Variants in TRAM2 observed in about 807,000 individuals in gnomAD.
TRAM2 encodes translocation associated membrane protein 2, also known as translocating chain-associated membrane protein 2.
TRAM2 carries 12 observed loss-of-function variants against 51.0 expected under a neutral mutation model. The observed-to-expected ratio is 0.24, with a 90% CI of 0.15 to 0.38. The LOEUF (loss-of-function observed/expected upper bound fraction) is 0.38, where lower values mean the gene tolerates loss of function less well. TRAM2 is among the 10% of genes least tolerant of loss of function. The pLI, the probability that TRAM2 is intolerant of heterozygous loss-of-function variation, is 1.00. For missense variants in TRAM2, 361 were observed against 462.0 expected (o/e 0.78, Z 2.00); for synonymous variants, 175 against 179.4 (o/e 0.98, Z 0.20).
intron 1 of TRAM2, among the ~76,000 whole-genome samples, chr6:52,554,993 T>C (rs59988849): frequency 0.098 from 14,914 of 152,146 alleles, 1,332 homozygotes; most frequent in East Asian, 0.49. Context: ...AGATAACAAG[T>C]GTGAGCCACT....
At chr6:52,560,647 G>C (rs1296513649) in intron 1 of TRAM2, among the ~76,000 whole-genome samples, 2 of 152,198 alleles carry the variant, frequency 1.3e-5, no homozygotes, top group Non-Finnish European at 2.9e-5. Context: ...TCTCCATGGA[G>C]TTCACACTGT....
chr6:52,541,099 T>A (rs1255783748), intron 1 of TRAM2, among the ~76,000 whole-genome samples: 2 of 152,226 alleles, frequency 1.3e-5, no homozygotes, highest in East Asian at 3.8e-4. Context: ...AGACCAAGGA[T>A]GCTGGTGAAA....
intron 1 of TRAM2, among the ~76,000 whole-genome samples, chr6:52,557,460 C>G (rs530603277): frequency 1.5e-4 from 23 of 152,204 alleles, no homozygotes; most frequent in African/African-American, 5.3e-4. Flanking sequence ...AATTTTCAAC[C>G]CCATTTTACT....
intron 2 of TRAM2, among the ~76,000 whole-genome samples, chr6:52,530,490 G>T (rs1766868327): frequency 6.6e-6 from 1 of 152,178 alleles, no homozygotes; most frequent in African/African-American, 2.4e-5. Context: ...ACCTCATTTA[G>T]AAACAGGGTC....
At chr6:52,528,922 G>A (rs1012792827) in intron 2 of TRAM2, among the ~76,000 whole-genome samples, 2 of 137,890 alleles carry the variant, frequency 1.5e-5, no homozygotes, top group Non-Finnish European at 3.0e-5. Context: ...ACCGAGTCTC[G>A]CTCTGTCACC....
chr6:52,576,955 C>A lies in TRAM2; in HGVS notation c.-40G>T, dbSNP rs777439737. ...AGCGGCCGGCGGGGCCCGCACCCTGCGCTCACGAACCGCAGCGCAAACTTC... is the reference window on the plus strand; with the variant it reads ...AGCGGCCGGCGGGGCCCGCACCCTGAGCTCACGAACCGCAGCGCAAACTTC... On this transcript the variant is annotated 5_prime_UTR_variant, in exon 1 of 11. Coordinates refer to ENST00000182527, the MANE Select transcript of TRAM2 (RefSeq NM_012288.4). 34 of 1,566,830 alleles carry A rather than the reference C, an allele frequency of 2.2e-5. No homozygotes were observed. The highest frequency in any genetic ancestry group is 2.8e-5 in the Non-Finnish European group (33 of 1,159,304).
chr6:52,565,116 G>T (rs1767567769), intron 1 of TRAM2, among the ~76,000 whole-genome samples: 1 of 152,282 alleles, frequency 6.6e-6, no homozygotes, highest in East Asian at 1.9e-4. Context: ...TTGAAGCCAA[G>T]CTAATTGCTC....
intron 8 of TRAM2, 101 bp from the exon 9 acceptor site, chr6:52,505,843 G>C (rs916277754): frequency 1.3e-6 from 2 of 1,495,770 alleles, no homozygotes; most frequent in African/African-American, 1.4e-5. Context: ...AGGATTCAAG[G>C]GTGGCTGGGG....
intron 1 of TRAM2, among the ~76,000 whole-genome samples, chr6:52,573,713 G>A (rs1022095617): frequency 6.6e-6 from 1 of 152,186 alleles, no homozygotes; most frequent in Non-Finnish European, 1.5e-5. Context: ...CATCTCCCTG[G>A]GGACAGAGAA....
intron 1 of TRAM2, among the ~76,000 whole-genome samples, chr6:52,543,581 A>C (rs1767143470): frequency 6.6e-6 from 1 of 152,216 alleles, no homozygotes; most frequent in South Asian, 2.1e-4. Flanking sequence ...TTAGGTTGTG[A>C]GTTATTTTTG....
At chr6:52,547,801 C>T (rs958192718) in intron 1 of TRAM2, among the ~76,000 whole-genome samples, 3 of 152,222 alleles carry the variant, frequency 2.0e-5, no homozygotes, top group African/African-American at 4.8e-5. Context: ...TTTATTGCGT[C>T]GGCTGGACTG....
intron 2 of TRAM2, among the ~76,000 whole-genome samples, chr6:52,533,000 G>C (rs9791200): frequency 0.23 from 34,593 of 148,960 alleles, 4,215 homozygotes; most frequent in East Asian, 0.52. Flanking sequence ...GTCACAAAAG[G>C]TCAAATACTA....
chr6:52,576,401 G>A (rs1238116918), intron 1 of TRAM2, among the ~76,000 whole-genome samples: 1 of 152,246 alleles, frequency 6.6e-6, no homozygotes, highest in Non-Finnish European at 1.5e-5. Context: ...TGGGGCAAGA[G>A]GGGGTTGTGC....
chr6:52,574,430 G>A (rs1420666456), intron 1 of TRAM2, among the ~76,000 whole-genome samples: 1 of 152,230 alleles, frequency 6.6e-6, no homozygotes, highest in East Asian at 1.9e-4. Context: ...GCCCAGCACA[G>A]AAGAACACAA....
chr6:52,509,392 CCAT>C, intron 5 of TRAM2, 133 bp downstream of exon 5: 1 of 733,120 alleles, frequency 1.4e-6, no homozygotes, highest in South Asian at 1.9e-5. Context: ...GACAAGTCTA[CCAT>C]CCACAATAGG....
intron 1 of TRAM2, among the ~76,000 whole-genome samples, chr6:52,552,745 T>C (rs938153488): frequency 2.0e-5 from 3 of 152,160 alleles, no homozygotes; most frequent in Non-Finnish European, 4.4e-5. Context: ...TGCTGAAATC[T>C]TTCTCCCCAG....
intron 4 of TRAM2, 105 bp downstream of exon 4, chr6:52,515,901 A>G: frequency 1.0e-6 from 1 of 972,998 alleles, no homozygotes; most frequent in Non-Finnish European, 1.6e-6. Flanking sequence ...ACAGAAAAAG[A>G]AAAAGAGCAA....
chr6:52,524,618 G>T (rs1766739971), intron 2 of TRAM2: 1 of 152,176 alleles, frequency 6.6e-6, no homozygotes, highest in African/African-American at 2.4e-5. Context: ...AGCTGTACAG[G>T]AAAGTGTTTT....
intron 1 of TRAM2, among the ~76,000 whole-genome samples, chr6:52,558,143 G>T (rs755863091): frequency 6.6e-6 from 1 of 152,148 alleles, no homozygotes; most frequent in African/African-American, 2.4e-5. Flanking sequence ...CACAGCTCTC[G>T]CACAAGCAAA....
Sources: gnomAD v4.1 joint callset for allele counts (sites outside exome capture counted in the v4.1 genomes callset) on GRCh38, gnomAD v4.1.1 for gene constraint, MANE v1.5 for transcripts, NCBI Gene and HGNC (gene_info 2026-07-23, HGNC 2026-07-21) for gene names.